RHOT1: variants seen among roughly 807,000 people sequenced by gnomAD.
The protein encoded by RHOT1 is ras homolog family member T1, also known as mitochondrial Rho GTPase 1.
A neutral mutation model predicts 95.3 loss-of-function variants in RHOT1; 27 were observed. That is an observed-to-expected ratio of 0.28 (90% CI 0.21 to 0.39). RHOT1 has a LOEUF of 0.39. Among genes scored for constraint, RHOT1 ranks in the 10% least tolerant of loss-of-function variants. The pLI is 1.00. For missense variants in RHOT1, 578 were observed against 786.7 expected (o/e 0.73, Z 3.17); for synonymous variants, 227 against 263.5 (o/e 0.86, Z 1.34).
At chr17:32,144,544 A>C (rs907641609) in intron 1 of RHOT1, among the ~76,000 whole-genome samples, 1 of 151,894 alleles carries the variant, frequency 6.6e-6, no homozygotes. Context: ...CTGAAAAAAA[A>C]CCTTTAATAA....
At chr17:32,154,464 G>A (rs182638445) in intron 1 of RHOT1, among the ~76,000 whole-genome samples, 148 of 151,594 alleles carry the variant, frequency 9.8e-4, no homozygotes, top group African/African-American at 3.0e-3. Context: ...GCAGGCGCCT[G>A]TAGTCCCAGC....
chr17:32,202,714 T>G (rs2037412268), intron 14 of RHOT1, 56 bp from the exon 15 acceptor site: 1 of 1,332,432 alleles, frequency 7.5e-7, no homozygotes, highest in East Asian at 2.5e-5. Flanking sequence ...GAATGGAGGC[T>G]TAGTGAATCT....
intron 1 of RHOT1, among the ~76,000 whole-genome samples, chr17:32,163,634 G>T (rs2033770631): frequency 6.6e-6 from 1 of 152,070 alleles, no homozygotes; most frequent in African/African-American, 2.4e-5. Context: ...GGAGGCTGAG[G>T]CAGGAGAATC....
intron 1 of RHOT1, among the ~76,000 whole-genome samples, chr17:32,155,310 C>G (rs535985732): frequency 6.6e-6 from 1 of 151,782 alleles, no homozygotes; most frequent in Non-Finnish European, 1.5e-5. Flanking sequence ...CAGGTGCCCA[C>G]CACCACGCCT....
intron 1 of RHOT1, among the ~76,000 whole-genome samples, chr17:32,155,786 C>G (rs2032906302): frequency 6.6e-6 from 1 of 152,096 alleles, no homozygotes; most frequent in Non-Finnish European, 1.5e-5. Flanking sequence ...AAGTGATTCT[C>G]CCACCTCAGC....
intron 1 of RHOT1, among the ~76,000 whole-genome samples, chr17:32,147,076 A>T (rs754375821): frequency 6.8e-6 from 1 of 147,420 alleles, no homozygotes; most frequent in Non-Finnish European, 1.5e-5. Flanking sequence ...GCAGAGTCTC[A>T]CCCTGTCACC....
intron 19 of RHOT1, among the ~76,000 whole-genome samples, chr17:32,219,579 G>A (rs945820494): frequency 1.1e-4 from 17 of 152,144 alleles, no homozygotes; most frequent in African/African-American, 3.1e-4. Context: ...ACAGTTGTTC[G>A]TTTAACTCTT....
At chr17:32,191,494 T>C (rs1231999516) in intron 8 of RHOT1, among the ~76,000 whole-genome samples, 1 of 152,232 alleles carries the variant, frequency 6.6e-6, no homozygotes, top group East Asian at 1.9e-4. Flanking sequence ...TTATACAGTG[T>C]AGAAGCATGT....
chr17:32,173,557 A>G (rs1032842500), intron 2 of RHOT1, among the ~76,000 whole-genome samples: 6 of 152,030 alleles, frequency 3.9e-5, no homozygotes, highest in Admixed American at 2.0e-4. Flanking sequence ...TACTAAAAAT[A>G]CAAAAATTAG....
intron 1 of RHOT1, among the ~76,000 whole-genome samples, chr17:32,160,868 C>T (rs2142441533): frequency 6.6e-6 from 1 of 152,206 alleles, no homozygotes; most frequent in East Asian, 1.9e-4. Context: ...TGAGCACAGC[C>T]TGCCAGGCTG....
intron 8 of RHOT1, among the ~76,000 whole-genome samples, chr17:32,191,832 G>GTTTCC (rs142191039): frequency 0.032 from 4,872 of 152,194 alleles, 253 homozygotes; most frequent in African/African-American, 0.11. Flanking sequence ...AGAAGTTGAG[G>GTTTCC]GGAAAGTCCT....
Position 32,214,894 on chromosome 17 carries a change from C to CTTT in RHOT1, c.1862+3684_1862+3686dup, listed in dbSNP as rs551151153. On this transcript the variant is annotated intron_variant, in intron 19 of 19. Transcript: ENST00000545287. The stretch of plus-strand genomic sequence containing the variant: ...GAAAGAGCAGTTCTAAAAGGCTTGT[C>CTTT]TTTTTTTTTTTTTTTTTTTTTTTTT... 1.1e-3 allele frequency among the ~76,000 whole-genome samples: 60 copies of CTTT among 52,838 alleles called. 8 individuals are homozygous for CTTT. Among genetic ancestry groups the CTTT allele is most frequent in the African/African-American group, 1.6e-3 (20 of 12,302 alleles). The allele number at this position is 52,838 out of a possible 152,430, so 34.7% of individuals were successfully genotyped here. A position where few individuals can be genotyped will look rare whatever the true frequency, so the allele number is the denominator to read the frequency against.
chr17:32,180,102 TGAG>T (rs951958261), intron 6 of RHOT1: 1 of 155,466 alleles, frequency 6.4e-6, no homozygotes, highest in African/African-American at 2.4e-5. Context: ...GTCTGGGAAG[TGAG>T]GAGCACCTCT....
intron 8 of RHOT1, among the ~76,000 whole-genome samples, chr17:32,189,638 ACTTTTAAAC>A (rs2036320517): frequency 6.6e-6 from 1 of 152,222 alleles, no homozygotes; most frequent in South Asian, 2.1e-4. Context: ...AAAATTTTCA[ACTTTTAAAC>A]TATACCTTGT....
chr17:32,155,847 A>G (rs753475821), intron 1 of RHOT1, among the ~76,000 whole-genome samples: 2 of 152,010 alleles, frequency 1.3e-5, no homozygotes, highest in African/African-American at 2.4e-5. Flanking sequence ...TGGTCTAAGT[A>G]TATTTTTAAC....
rs2142962059 is a variant in RHOT1, at chr17:32,220,041, A to G, written c.1863-4575A>G. ...TGAAAACATCCTAAATATAGAGAAA[A>G]ATTTTATGTAGAAAGATAGTCTTTT... On this transcript the variant is annotated intron_variant, in intron 19 of 19. Coordinates refer to ENST00000545287, the MANE Select transcript of RHOT1 (RefSeq NM_001033566.3). Among the ~76,000 whole-genome samples, 5 of 152,308 alleles carry G rather than the reference A, an allele frequency of 3.3e-5. No individual in the cohort carries two copies. In the South Asian group the frequency reaches 1.0e-3, roughly 32 times the overall value.
chr17:32,183,977 C>T (rs1257740616), intron 8 of RHOT1, among the ~76,000 whole-genome samples: 1 of 152,220 alleles, frequency 6.6e-6, no homozygotes, highest in African/African-American at 2.4e-5. Flanking sequence ...TGAGCCACTG[C>T]GCCCAGCCCC....
At chr17:32,183,016 C>T in intron 7 of RHOT1, 151 bp downstream of exon 7, 1 of 757,630 alleles carries the variant, frequency 1.3e-6, no homozygotes. Context: ...TGGAGTTGGC[C>T]TCTGAACTCT....
In RHOT1 at chr17:32,193,888, A is replaced by G; in HGVS notation, c.749-99A>G. 4 of 1,399,432 alleles carry G rather than the reference A, an allele frequency of 2.9e-6. No individual in the cohort carries two copies. In the South Asian group the frequency reaches 4.2e-5, roughly 15 times the overall value. The allele number at this position is 1,399,432 out of a possible 1,614,324, so 86.7% of individuals were successfully genotyped here. On this transcript the variant is annotated intron_variant, in intron 10 of 19. Coordinates refer to ENST00000545287, the MANE Select transcript of RHOT1 (RefSeq NM_001033566.3). ...GTTTTGAGCTTTACAATGCAAAGCT[A>G]GCATCCGTATGTTCATGAATCTGGT...
Sources: gnomAD v4.1 joint callset for allele counts (sites outside exome capture counted in the v4.1 genomes callset) on GRCh38, gnomAD v4.1.1 for gene constraint, MANE v1.5 for transcripts, NCBI Gene and HGNC (gene_info 2026-07-23, HGNC 2026-07-21) for gene names.